Variants in LINS1 observed in about 807,000 individuals in gnomAD.
LINS1 encodes protein Lines homolog 1.
In LINS1, 27 loss-of-function variants were observed where a neutral mutation model predicts 41.6. The ratio of observed to expected loss-of-function variants is 0.65; its 90% CI spans 0.48 to 0.89. LINS1 has a LOEUF of 0.89. Among genes scored for constraint, LINS1 ranks in the 40% least tolerant of loss-of-function variants. LINS1 has a pLI of 0.00. For missense variants in LINS1, 955 were observed against 884.1 expected (o/e 1.08, Z -1.02); for synonymous variants, 336 against 312.9 (o/e 1.07, Z -0.78).
At chr15:100,596,353 T>A (rs116376128) in intron 1 of LINS1, among the ~76,000 whole-genome samples, 1,583 of 152,296 alleles carry the variant, frequency 0.01, 34 homozygotes, top group African/African-American at 0.036. Flanking sequence ...AGTTTCCAGG[T>A]TACTTCTGAG....
At chr15:100,601,678 T>G (rs2039502703) in intron 1 of LINS1, among the ~76,000 whole-genome samples, 1 of 152,100 alleles carries the variant, frequency 6.6e-6, no homozygotes, top group Non-Finnish European at 1.5e-5. Context: ...CACTATCTTG[T>G]TCACTGTTGT....
At chr15:100,587,971 G>A (rs377003101) in intron 1 of LINS1, among the ~76,000 whole-genome samples, 1 of 152,146 alleles carries the variant, frequency 6.6e-6, no homozygotes, top group Non-Finnish European at 1.5e-5. Flanking sequence ...CTGGCATGCC[G>A]GCAAAAGGGC....
intron 1 of LINS1, among the ~76,000 whole-genome samples, chr15:100,581,253 G>A (rs1324833667): frequency 1.3e-5 from 2 of 152,174 alleles, no homozygotes; most frequent in Non-Finnish European, 2.9e-5. Context: ...TTTGGAGCCA[G>A]ATAACTTTGT....
chr15:100,581,256 A>G (rs1382800470), intron 1 of LINS1, among the ~76,000 whole-genome samples: 1 of 152,196 alleles, frequency 6.6e-6, no homozygotes, highest in African/African-American at 2.4e-5. Flanking sequence ...GGAGCCAGAT[A>G]ACTTTGTAGT....
chr15:100,577,145 C>A (rs2038233065), intron 3 of LINS1, among the ~76,000 whole-genome samples: 1 of 152,220 alleles, frequency 6.6e-6, no homozygotes, highest in Non-Finnish European at 1.5e-5. Flanking sequence ...TTCACCACTC[C>A]TATTCAACAG....
In LINS1 at chr15:100,573,826, C is replaced by A. The variant is rs778975342; in HGVS notation, c.1047G>T (p.Leu349Phe). Residue 349 changes from leucine (L) to phenylalanine (F), a missense_variant, in exon 5 of 7, where the codon TTG (leucine) becomes TTT (phenylalanine). Transcript: ENST00000314742. ...NAVLQAVNSGLLKTLSVYEKH... is the reference protein window; with the variant it reads ...NAVLQAVNSGFLKTLSVYEKH... ...TTTCATAAACAGACAGTGTCTTCAACAACCCCGAATTCACAGCTTGCAAAA... is the reference window on the plus strand; with the variant it reads ...TTTCATAAACAGACAGTGTCTTCAAAAACCCCGAATTCACAGCTTGCAAAA... 6.8e-6 allele frequency: 11 copies of A among 1,614,240 alleles called. No individual in the cohort carries two copies. The East Asian group carries it at 2.5e-4, about 36-fold the overall frequency.
At chr15:100,579,828 A>T (rs1008141921) in intron 3 of LINS1, among the ~76,000 whole-genome samples, 1 of 152,306 alleles carries the variant, frequency 6.6e-6, no homozygotes, top group South Asian at 2.1e-4. Flanking sequence ...GAAGGGGTCC[A>T]CCTACTAGTT....
At chr15:100,593,232 T>TG (rs1418289392) in intron 1 of LINS1, among the ~76,000 whole-genome samples, 1 of 152,148 alleles carries the variant, frequency 6.6e-6, no homozygotes, top group Non-Finnish European at 1.5e-5. Flanking sequence ...AACAAACAAT[T>TG]GGGGCAGTCT....
At chr15:100,573,540 A>ATATAG in intron 5 of LINS1, 111 bp downstream of exon 5, 1 of 825,470 alleles carries the variant, frequency 1.2e-6, no homozygotes, top group Non-Finnish European at 1.9e-6. Context: ...ATAGGATAAC[A>ATATAG]TACAGCTTAA....
chr15:100,584,118 A>T (rs1476632467), intron 1 of LINS1, among the ~76,000 whole-genome samples: 1 of 152,168 alleles, frequency 6.6e-6, no homozygotes, highest in Non-Finnish European at 1.5e-5. Context: ...GTCTAATTCC[A>T]TTGCACTTAC....
chr15:100,575,034 G>C lies in LINS1; in HGVS notation c.584C>G (p.Thr195Arg). 1 of 1,612,818 alleles carries C rather than the reference G, an allele frequency of 6.2e-7. No individual in the cohort carries two copies. Among genetic ancestry groups the C allele is most frequent in the Non-Finnish European group, 8.5e-7 (1 of 1,179,478 alleles). Reference protein sequence around the residue: ...NKAIYCLWTLTAIIKEIFKDS... With the variant: ...NKAIYCLWTLRAIIKEIFKDS... The stretch of plus-strand genomic sequence containing the variant: ...TTTAAAGATTTCTTTTATTATTGCT[G>C]TAAGAGTCCAGAGGCAGTATATTGC... The change falls in exon 4 of 7, where the codon ACA becomes AGA. Residue 195 changes from threonine to arginine, a missense_variant. Thr to Arg is a moderately conservative substitution (Grantham distance 71). Transcript: ENST00000314742.
At chr15:100,571,469 G>C (rs1331176578) in intron 6 of LINS1, among the ~76,000 whole-genome samples, 1 of 152,150 alleles carries the variant, frequency 6.6e-6, no homozygotes, top group Non-Finnish European at 1.5e-5. Flanking sequence ...GCCCAAATTC[G>C]ACTGAAACGA....
At chr15:100,570,284 CT>C in intron 6 of LINS1, 167 bp from the exon 7 acceptor site, 1 of 527,650 alleles carries the variant, frequency 1.9e-6, no homozygotes, top group Non-Finnish European at 3.2e-6. Flanking sequence ...CCCATAAGCT[CT>C]AAAGAAATCT....
Position 100,580,661 on chromosome 15 carries a change from G to A in LINS1, c.182C>T (p.Pro61Leu), listed in dbSNP as rs924977525. 1 of 1,613,924 alleles carries A rather than the reference G, an allele frequency of 6.2e-7. No individual in the cohort carries two copies. Among genetic ancestry groups the A allele is most frequent in the East Asian group, 2.2e-5 (1 of 44,876 alleles). The part of the protein sequence containing the change: ...NTCGIQGRHQ[P>L]ISVGVAPIAV... ...AATGGGAGCCACACCAACAGAGATG[G>A]GCTGATGCCTGCCCTGGATACCACA... The change falls in exon 2 of 7, where the codon CCC becomes CTC. Residue 61 changes from proline to leucine, a missense_variant. Physicochemically the swap from Pro to Leu is moderately conservative, Grantham distance 98. Coordinates refer to ENST00000314742, the MANE Select transcript of LINS1 (RefSeq NM_001040616.3).
chr15:100,575,120 T>C lies in LINS1; in HGVS notation c.498A>G (p.Leu166=), dbSNP rs1184427613. 1 of 1,610,914 alleles carries C rather than the reference T, an allele frequency of 6.2e-7. No individual in the cohort carries two copies. The highest frequency in any genetic ancestry group is 8.5e-7 in the Non-Finnish European group (1 of 1,178,794). The change falls in exon 4 of 7, where the codon TTA becomes TTG. Residue 166 remains leucine (L), a synonymous_variant. Coordinates refer to ENST00000314742, the MANE Select transcript of LINS1 (RefSeq NM_001040616.3). ...LYFQLREKIT[L]SNSWIAFCQK... is the part of the protein sequence containing the mutation. ...GGCAAAAAGCAATCCAGGAATTACT[T>C]AAGGTTATCTACAAGTGAGAAAATA...
chr15:100,573,711 C>G lies in LINS1; in HGVS notation c.1162G>C (p.Val388Leu), dbSNP rs201228890. 1 of 1,612,828 alleles carries G rather than the reference C, an allele frequency of 6.2e-7. No individual in the cohort carries two copies. The highest frequency in any genetic ancestry group is 2.2e-5 in the East Asian group (1 of 44,868). Residue 388 changes from valine to leucine, a missense_variant, in exon 5 of 7, where the codon GTT becomes CTT. By Grantham distance (32) the Val-to-Leu change is conservative (BLOSUM62 1). Transcript: ENST00000314742. ...TTGATTTCTAAGGATTTCATTATAA[C>G]TAAGCTTGCTGCTCTAAGGATCACA... ...DHVILRAASL[V>L]IMKSLEIKFQ... is the part of the protein sequence containing the mutation.
intron 3 of LINS1, among the ~76,000 whole-genome samples, chr15:100,575,580 C>T (rs1158378645): frequency 2.6e-5 from 4 of 152,260 alleles, no homozygotes; most frequent in Admixed American, 6.5e-5. Context: ...TAATGGGAGA[C>T]TTTAACACCC....
At chr15:100,584,946 C>T (rs1480746808) in intron 1 of LINS1, among the ~76,000 whole-genome samples, 1 of 152,202 alleles carries the variant, frequency 6.6e-6, no homozygotes, top group Non-Finnish European at 1.5e-5. Flanking sequence ...TAAATTCTTC[C>T]TTTCCCCTAC....
rs775576219 is a variant in LINS1, at chr15:100,574,973, C to G, written c.631+14G>C. 22 of 1,610,882 alleles carry G rather than the reference C, an allele frequency of 1.4e-5. No homozygotes were observed. The highest frequency in any genetic ancestry group is 1.9e-5 in the Non-Finnish European group (22 of 1,178,714). ...GCAAGATGATGATTGTTTATGGGGC[C>G]ATGTAATCCATACCTGTTTTCTGTG... On this transcript the variant is annotated intron_variant, in intron 4 of 6. Coordinates refer to ENST00000314742, the MANE Select transcript of LINS1 (RefSeq NM_001040616.3).
Sources: gnomAD v4.1 joint callset for allele counts (sites outside exome capture counted in the v4.1 genomes callset) on GRCh38, gnomAD v4.1.1 for gene constraint, MANE v1.5 for transcripts, NCBI Gene and HGNC (gene_info 2026-07-23, HGNC 2026-07-21) for gene names.